The following ADCY2 variants were observed in gnomAD, a reference collection of about 807,000 sequenced individuals.
ADCY2 encodes the protein adenylate cyclase 2, also known as adenylate cyclase type 2.
ADCY2 carries 31 observed loss-of-function variants against 125.2 expected under a neutral mutation model. The ratio of observed to expected loss-of-function variants is 0.25; its 90% CI spans 0.19 to 0.33. The LOEUF is 0.33. Among genes scored for constraint, ADCY2 ranks in the 10% least tolerant of loss-of-function variants. The pLI is 1.00. For synonymous variants in ADCY2, 512 were observed against 548.4 expected, an observed-to-expected ratio of 0.93 and a Z score of 0.93; for missense variants, 904 against 1,418.2, an observed-to-expected ratio of 0.64 and a Z score of 5.82.
At chr5:7,701,758 T>G (rs776633908) in intron 7 of ADCY2, among the ~76,000 whole-genome samples, 1 of 152,224 alleles carries the variant, frequency 6.6e-6, no homozygotes, top group Non-Finnish European at 1.5e-5. Context: ...TCTTTCCTTT[T>G]GTGTTTGGCT....
chr5:7,439,941 C>T (rs1740948614), intron 2 of ADCY2, among the ~76,000 whole-genome samples: 1 of 151,950 alleles, frequency 6.6e-6, no homozygotes, highest in Admixed American at 6.6e-5. Context: ...GTTCAGAGCT[C>T]AAGAGAAAGG....
intron 18 of ADCY2, 33 bp from the exon 19 acceptor site, chr5:7,784,332 T>C (rs759930343): frequency 1.3e-6 from 2 of 1,503,988 alleles, no homozygotes; most frequent in African/African-American, 1.4e-5. Flanking sequence ...TTTTGTTGCA[T>C]TGTTGTCTGT....
intron 15 of ADCY2, among the ~76,000 whole-genome samples, chr5:7,748,543 C>G (rs770643258): frequency 1.4e-4 from 21 of 148,698 alleles, no homozygotes; most frequent in Admixed American, 3.3e-4. Context: ...CACACACACA[C>G]ACACACACAC....
chr5:7,689,888 G>C (rs916352028), intron 4 of ADCY2, among the ~76,000 whole-genome samples: 17 of 152,110 alleles, frequency 1.1e-4, no homozygotes, highest in African/African-American at 4.1e-4. Context: ...CTCCAGGATG[G>C]ATATATGTCC....
At chr5:7,410,735 AT>A (rs1303067371) in intron 1 of ADCY2, among the ~76,000 whole-genome samples, 1 of 152,102 alleles carries the variant, frequency 6.6e-6, no homozygotes, top group Non-Finnish European at 1.5e-5. Context: ...ATTATATGAT[AT>A]TTTTTTCCAC....
At chr5:7,608,353 G>T (rs1393364160) in intron 3 of ADCY2, among the ~76,000 whole-genome samples, 1 of 152,072 alleles carries the variant, frequency 6.6e-6, no homozygotes, top group Admixed American at 6.6e-5. Context: ...AGGCCAAGGC[G>T]GGCAGATTGC....
chr5:7,401,949 T>A (rs1240716339), intron 1 of ADCY2, among the ~76,000 whole-genome samples: 1 of 152,226 alleles, frequency 6.6e-6, no homozygotes, highest in East Asian at 1.9e-4. Flanking sequence ...AGACAATTCA[T>A]TGAACCTGAC....
chr5:7,425,990 T>C (rs561571304), intron 2 of ADCY2, among the ~76,000 whole-genome samples: 4 of 152,152 alleles, frequency 2.6e-5, no homozygotes, highest in Non-Finnish European at 5.9e-5. Flanking sequence ...GTCATCTTGC[T>C]CACAACTGGT....
intron 2 of ADCY2, among the ~76,000 whole-genome samples, chr5:7,432,840 T>C (rs1315044480): frequency 6.6e-6 from 1 of 152,170 alleles, no homozygotes; most frequent in African/African-American, 2.4e-5. Flanking sequence ...ATCTCAATTG[T>C]GGTGATAGTT....
chr5:7,503,910 GA>G (rs1050125382), intron 2 of ADCY2, among the ~76,000 whole-genome samples: 39 of 152,184 alleles, frequency 2.6e-4, no homozygotes, highest in African/African-American at 9.4e-4. Context: ...CAGAATGCAG[GA>G]AAGCACAGGC....
At chr5:7,818,548 G>A (rs571489078) in intron 23 of ADCY2, among the ~76,000 whole-genome samples, 1 of 152,024 alleles carries the variant, frequency 6.6e-6, no homozygotes, top group South Asian at 2.1e-4. Flanking sequence ...GTAGAGACAG[G>A]ATTTCTCTAC....
At chr5:7,462,221 C>T (rs997870678) in intron 2 of ADCY2, among the ~76,000 whole-genome samples, 5 of 152,180 alleles carry the variant, frequency 3.3e-5, no homozygotes, top group Admixed American at 2.0e-4. Flanking sequence ...TCTCTTAGTG[C>T]GTCTAACCTT....
At chr5:7,704,232 G>T (rs868776199) in intron 7 of ADCY2, among the ~76,000 whole-genome samples, 1 of 152,134 alleles carries the variant, frequency 6.6e-6, no homozygotes, top group Middle Eastern at 3.4e-3. Flanking sequence ...TTGGGTTTTT[G>T]CCAGATGGTC....
rs748974868 is a variant in ADCY2 at position 7,690,801 on chromosome 5, C to T, written c.831C>T (p.Asn277=). The T allele has an allele frequency of 4.0e-5, 65 of 1,606,596 alleles. No individual in the cohort carries two copies. Among genetic ancestry groups the T allele is most frequent in the Non-Finnish European group, 5.4e-5 (63 of 1,177,158 alleles). ...PKAGQMENTN[N]FHNLYVKRHT... Reference sequence around the variant, plus strand: ...CGGGCCAGATGGAGAACACAAATAACTTCCACAACCTGTATGTGAAGCGGC... The same window carrying T: ...CGGGCCAGATGGAGAACACAAATAATTTCCACAACCTGTATGTGAAGCGGC... The change falls in exon 5 of 25, where the codon AAC becomes AAT. Residue 277 remains asparagine (N), a synonymous_variant. Transcript: ENST00000338316.
At chr5:7,715,060 A>G (rs1403809085) in intron 11 of ADCY2, among the ~76,000 whole-genome samples, 1 of 152,180 alleles carries the variant, frequency 6.6e-6, no homozygotes, top group Non-Finnish European at 1.5e-5. Flanking sequence ...TCAGAGGGAG[A>G]GAGTCCTGGA....
intron 18 of ADCY2, among the ~76,000 whole-genome samples, chr5:7,776,789 A>G (rs1050560489): frequency 1.3e-5 from 2 of 152,142 alleles, no homozygotes; most frequent in African/African-American, 4.8e-5. Flanking sequence ...TATGGTTTTC[A>G]TCTTTATCCT....
intron 17 of ADCY2, among the ~76,000 whole-genome samples, chr5:7,767,143 C>T (rs2126474422): frequency 6.6e-6 from 1 of 152,188 alleles, no homozygotes; most frequent in East Asian, 1.9e-4. Context: ...TACTTAGAGA[C>T]ATTGCTAATT....
intron 2 of ADCY2, among the ~76,000 whole-genome samples, chr5:7,515,194 A>G (rs1189975045): frequency 3.3e-5 from 5 of 152,234 alleles, no homozygotes; most frequent in African/African-American, 1.2e-4. Context: ...CTCTTACTGC[A>G]CACTCACCCA....
chr5:7,437,324 C>T (rs1395898889), intron 2 of ADCY2, among the ~76,000 whole-genome samples: 8 of 152,162 alleles, frequency 5.3e-5, no homozygotes, highest in East Asian at 1.9e-4. Flanking sequence ...CCTCCCCTCC[C>T]GAGACAGGCT....
Sources: gnomAD v4.1 joint callset for allele counts (sites outside exome capture counted in the v4.1 genomes callset) on GRCh38, gnomAD v4.1.1 for gene constraint, MANE v1.5 for transcripts, NCBI Gene and HGNC (gene_info 2026-07-23, HGNC 2026-07-21) for gene names.